Variants in GABRB1 observed in about 807,000 individuals in gnomAD.
GABRB1 encodes gamma-aminobutyric acid type A receptor subunit beta1, also known as gamma-aminobutyric acid receptor subunit beta-1.
A neutral mutation model predicts 51.6 loss-of-function variants in GABRB1; 17 were observed. That is an observed-to-expected ratio of 0.33 (90% confidence interval 0.23 to 0.49). The LOEUF is 0.49. Ranked by LOEUF, GABRB1 falls within the 20% of genes least tolerant of loss-of-function variation. GABRB1 has a pLI of 0.99. For missense variants in GABRB1, 410 were observed against 600.6 expected (o/e 0.68, Z 3.32); for synonymous variants, 247 against 218.9 (o/e 1.13, Z -1.14).
intron 5 of GABRB1, among the ~76,000 whole-genome samples, chr4:47,349,629 A>G (rs1048180323): frequency 3.3e-5 from 5 of 152,186 alleles, no homozygotes; most frequent in African/African-American, 1.2e-4. Context: ...ATACACTGCC[A>G]CCCATCCACT....
chr4:47,223,203 G>A (rs1047142713), intron 4 of GABRB1, among the ~76,000 whole-genome samples: 1 of 151,944 alleles, frequency 6.6e-6, no homozygotes, highest in Non-Finnish European at 1.5e-5. Context: ...GTTTTTTAAT[G>A]TATTTTTTAC....
At position 47,300,318 on chromosome 4, in the gene GABRB1, A is replaced by C. The variant is rs571384014; in HGVS notation, c.462-19809A>C. ...GAAATTATCTAAATAGCCAGTGATT[A>C]TTCATTAATTAAGTTCAATATCAGT... is the stretch of plus-strand genomic sequence containing the variant. On this transcript the variant is annotated intron_variant, in intron 4 of 8. Coordinates refer to ENST00000295454, the MANE Select transcript of GABRB1 (RefSeq NM_000812.4). Among the ~76,000 whole-genome samples the C allele has an allele frequency of 8.5e-5, 13 of 152,254 alleles. No homozygotes were observed. In the East Asian group the frequency reaches 2.5e-3, roughly 29 times the overall value.
At position 47,398,171 on chromosome 4, in the gene GABRB1, ATATGT is replaced by A. The variant is rs547339824; in HGVS notation, c.545-5143_545-5139del. Among the ~76,000 whole-genome samples, 871 of 152,210 alleles carry A rather than the reference ATATGT, an allele frequency of 5.7e-3. 2 individuals carry two copies. Among genetic ancestry groups the A allele is most frequent in the Non-Finnish European group, 7.9e-3 (538 of 67,980 alleles). ...TTTTAACTGGTCCTTTTCATCTATT[ATATGT>A]TATAAGTTATTGTTTTATATATTAA... On this transcript the variant is annotated intron_variant, in intron 5 of 8. Coordinates refer to ENST00000295454, the MANE Select transcript of GABRB1 (RefSeq NM_000812.4).
intron 3 of GABRB1, among the ~76,000 whole-genome samples, chr4:47,117,350 A>G (rs1715540055): frequency 6.6e-6 from 1 of 152,186 alleles, no homozygotes; most frequent in Non-Finnish European, 1.5e-5. Context: ...AGGTCTTTGC[A>G]TGAGTAAGTC....
chr4:47,063,990 T>C (rs115071188), intron 3 of GABRB1, among the ~76,000 whole-genome samples: 2,097 of 152,212 alleles, frequency 0.014, 19 homozygotes, highest in Middle Eastern at 0.037. Flanking sequence ...ATGGCACACG[T>C]TTGCCTATGT....
chr4:47,151,198 G>T (rs995213074), intron 3 of GABRB1, among the ~76,000 whole-genome samples: 2 of 151,912 alleles, frequency 1.3e-5, no homozygotes, highest in Admixed American at 1.3e-4. Flanking sequence ...AGTTCTAAGG[G>T]ATATCAGAAC....
chr4:47,024,673 C>T (rs1054338614), intron 1 of GABRB1, among the ~76,000 whole-genome samples: 1 of 151,422 alleles, frequency 6.6e-6, no homozygotes, highest in Non-Finnish European at 1.5e-5. Flanking sequence ...ACCCATCACC[C>T]GAGCAGTATA....
At chr4:47,103,445 G>T (rs1165807734) in intron 3 of GABRB1, among the ~76,000 whole-genome samples, 2 of 151,856 alleles carry the variant, frequency 1.3e-5, no homozygotes, top group South Asian at 4.1e-4. Flanking sequence ...AACACTTTTT[G>T]TGTAAAAACT....
chr4:47,261,252 A>C (rs996769712), intron 4 of GABRB1, among the ~76,000 whole-genome samples: 37 of 152,212 alleles, frequency 2.4e-4, no homozygotes, highest in Non-Finnish European at 2.8e-4. Context: ...AGAGGAAGTC[A>C]AATTGTCCCT....
At chr4:47,058,225 G>A (rs987503227) in intron 3 of GABRB1, among the ~76,000 whole-genome samples, 2 of 152,164 alleles carry the variant, frequency 1.3e-5, no homozygotes, top group East Asian at 1.9e-4. Context: ...CAGAAGGGTC[G>A]GTCCATCATC....
At chr4:47,328,798 T>A (rs1371358587) in intron 5 of GABRB1, among the ~76,000 whole-genome samples, 3 of 151,826 alleles carry the variant, frequency 2.0e-5, no homozygotes, top group African/African-American at 7.3e-5. Flanking sequence ...GGATAGCCTT[T>A]GGAGATATAC....
rs543018366 is a variant in GABRB1 at position 47,038,463 on chromosome 4, T to A, written c.240+5979T>A. Among the ~76,000 whole-genome samples, 49 of 152,330 alleles carry A rather than the reference T, an allele frequency of 3.2e-4. No individual in the cohort carries two copies. In the South Asian group the frequency reaches 9.9e-3, roughly 31 times the overall value. ...TTTCTATGTGGAGCTGTCCATTGTA[T>A]TTAAACTGGGAACACTGCTCCACCA... On this transcript the variant is annotated intron_variant, in intron 3 of 8. Transcript: ENST00000295454.
intron 5 of GABRB1, among the ~76,000 whole-genome samples, chr4:47,350,295 A>G (rs1726280079): frequency 6.7e-6 from 1 of 148,382 alleles, no homozygotes; most frequent in African/African-American, 2.5e-5. Context: ...ATAGAGAGAG[A>G]GAGAGAGCTG....
chr4:47,248,264 C>T lies in GABRB1; in HGVS notation c.462-71863C>T, dbSNP rs540443952. On this transcript the variant is annotated intron_variant, in intron 4 of 8. Transcript: ENST00000295454. ...TTGTAGAATGCTTTTTCTGCTGCATCTATTGAGATGATCATGTGATTTTTG... is the reference window on the plus strand; with the variant it reads ...TTGTAGAATGCTTTTTCTGCTGCATTTATTGAGATGATCATGTGATTTTTG... 2.6e-5 allele frequency among the ~76,000 whole-genome samples: 4 copies of T among 152,222 alleles called. No individual in the cohort carries two copies. The East Asian group carries it at 5.8e-4, about 22-fold the overall frequency.
At chr4:47,070,945 C>T (rs145962522) in intron 3 of GABRB1, among the ~76,000 whole-genome samples, 40 of 152,276 alleles carry the variant, frequency 2.6e-4, no homozygotes, top group Non-Finnish European at 4.9e-4. Context: ...ATTTATTTGT[C>T]TAATACGCAT....
At chr4:47,167,400 C>T (rs376283479) in intron 4 of GABRB1, among the ~76,000 whole-genome samples, 10 of 151,228 alleles carry the variant, frequency 6.6e-5, no homozygotes, top group South Asian at 2.1e-4. Flanking sequence ...GAGCATTTAA[C>T]CTCCTTGAAA....
intron 4 of GABRB1, among the ~76,000 whole-genome samples, chr4:47,214,025 G>A (rs549102568): frequency 6.6e-6 from 1 of 152,164 alleles, no homozygotes; most frequent in South Asian, 2.1e-4. Flanking sequence ...TACTCCTGGT[G>A]GATGATGTCA....
intron 5 of GABRB1, among the ~76,000 whole-genome samples, chr4:47,390,335 C>A (rs1727941828): frequency 6.6e-6 from 1 of 152,212 alleles, no homozygotes; most frequent in African/African-American, 2.4e-5. Flanking sequence ...TTTCTGCCCA[C>A]CCATGGATTA....
intron 4 of GABRB1, among the ~76,000 whole-genome samples, chr4:47,262,539 A>G (rs1722481572): frequency 6.6e-6 from 1 of 152,114 alleles, no homozygotes; most frequent in Admixed American, 6.5e-5. Context: ...AAAAGTCAGG[A>G]AACAACAGGT....
Sources: allele counts gnomAD v4.1 joint callset (sites outside exome capture counted in the v4.1 genomes callset), GRCh38; gene constraint gnomAD v4.1.1; transcripts MANE v1.5; gene names NCBI Gene and HGNC (gene_info 2026-07-23, HGNC 2026-07-21).